BPIFA1: variants seen among roughly 807,000 people sequenced by gnomAD.
BPIFA1 encodes BPI fold-containing family A member 1.
BPIFA1 carries 24 observed loss-of-function variants against 25.1 expected under a neutral mutation model. That is an observed-to-expected ratio of 0.96 (90% CI 0.69 to 1.35). BPIFA1 has a LOEUF of 1.35. Ranked by LOEUF, BPIFA1 falls within the 40% of genes most tolerant of loss-of-function variation. The pLI, the probability that BPIFA1 is intolerant of heterozygous loss-of-function variation, is 0.00. For synonymous variants in BPIFA1, 139 were observed against 131.8 expected, an observed-to-expected ratio of 1.05 and a Z score of -0.37; for missense variants, 344 against 303.7, an observed-to-expected ratio of 1.13 and a Z score of -0.99.
At chr20:33,242,356 C>T (rs1979021183) in intron 7 of BPIFA1, 131 bp from the exon 8 acceptor site, 1 of 1,210,590 alleles carries the variant, frequency 8.3e-7, no homozygotes, top group Non-Finnish European at 1.2e-6. Flanking sequence ...CTGGCTTCCT[C>T]CAAGCATGCT....
chr20:33,236,659 C>A (rs1419885721), intron 1 of BPIFA1, among the ~76,000 whole-genome samples: 1 of 152,178 alleles, frequency 6.6e-6, no homozygotes, highest in Admixed American at 6.5e-5. Context: ...GAGAGGTCTG[C>A]AAGCCAAACC....
chr20:33,241,990 C>A (rs1024144497), intron 6 of BPIFA1, 66 bp from the exon 7 acceptor site: 8 of 1,426,318 alleles, frequency 5.6e-6, no homozygotes, highest in Middle Eastern at 1.7e-4. Context: ...CCCAGAGAAC[C>A]CCCACTAGGG....
Position 33,237,800 on chromosome 20 carries a change from AGACCC to A in BPIFA1, c.90_94del (p.Gln30HisfsTer76). The A allele has an allele frequency of 6.2e-7, 1 of 1,603,440 alleles. No homozygotes were observed. The highest frequency in any genetic ancestry group is 8.5e-7 in the Non-Finnish European group (1 of 1,174,592). On this transcript the variant is annotated frameshift_variant, in exon 2 of 9. Coordinates refer to ENST00000354297, the MANE Select transcript of BPIFA1 (RefSeq NM_130852.3). LOFTEE classifies it high-confidence loss of function. ...GGAGGCCTGCCCGTGCCCCTGGACC[AGACCC>A]TGCCCTTGAATGTGAATCCAGCCCT...
chr20:33,241,926 G>T, intron 6 of BPIFA1, 130 bp from the exon 7 acceptor site: 1 of 803,490 alleles, frequency 1.2e-6, no homozygotes, highest in South Asian at 1.5e-5. Context: ...TGTGACCATT[G>T]ATCTGTGGGA....
At chr20:33,241,240 C>T (rs1364235164) in intron 5 of BPIFA1, 145 bp from the exon 6 acceptor site, 3 of 732,238 alleles carry the variant, frequency 4.1e-6, no homozygotes, top group South Asian at 3.2e-5. Context: ...AAGACCCTTG[C>T]TGTTGGCCTG....
At position 33,243,088 on chromosome 20, in the gene BPIFA1, G is replaced by A. The variant is rs1212452125; in HGVS notation, c.*35-19G>A. 1 of 155,102 alleles carries A rather than the reference G, an allele frequency of 6.4e-6. No homozygotes were observed. Among genetic ancestry groups the A allele is most frequent in the East Asian group, 1.9e-4 (1 of 5,262 alleles). 9.6% of individuals were successfully genotyped at this position (155,102 alleles called of 1,614,324 possible). A position where few individuals can be genotyped will look rare whatever the true frequency, so the allele number is the denominator to read the frequency against. ...AATATCAGTAACGCTCACTGACCTT[G>A]AGTCTCCATCCTGATTAGGGTCTTC... On this transcript the variant is annotated intron_variant, in intron 8 of 8. Transcript: ENST00000354297.
chr20:33,243,109 T>A lies in BPIFA1; in HGVS notation c.*37T>A, dbSNP rs1271163979. Reference sequence around the variant, plus strand: ...CCTTGAGTCTCCATCCTGATTAGGGTCTTCCCCCAACAGAACTATTTCTTG... The same window carrying A: ...CCTTGAGTCTCCATCCTGATTAGGGACTTCCCCCAACAGAACTATTTCTTG... On this transcript the variant is annotated splice_region_variant and 3_prime_UTR_variant, in exon 9 of 9. Coordinates refer to ENST00000354297, the MANE Select transcript of BPIFA1 (RefSeq NM_130852.3). 1 of 153,446 alleles carries A rather than the reference T, an allele frequency of 6.5e-6. No individual in the cohort carries two copies. Among genetic ancestry groups the A allele is most frequent in the East Asian group, 1.9e-4 (1 of 5,204 alleles). 9.5% of individuals were successfully genotyped at this position (153,446 alleles called of 1,614,324 possible). A position where few individuals can be genotyped will look rare whatever the true frequency, so the allele number is the denominator to read the frequency against.
At position 33,241,379 on chromosome 20, in the gene BPIFA1, T is replaced by C. The variant is rs1294437274; in HGVS notation, c.582-6T>C. The C allele has an allele frequency of 1.9e-6, 3 of 1,611,948 alleles. No individual in the cohort carries two copies. The highest frequency in any genetic ancestry group is 2.5e-6 in the Non-Finnish European group (3 of 1,177,950). On this transcript the variant is annotated splice_region_variant and splice_polypyrimidine_tract_variant and intron_variant, in intron 5 of 8. Transcript: ENST00000354297. ...CCCTGCATCACCCATGACTTTTCTC[T>C]TTCAGACTTGGCCCCCTCCCCATTC...
chr20:33,242,398 C>T, intron 7 of BPIFA1, 89 bp from the exon 8 acceptor site: 1 of 1,496,184 alleles, frequency 6.7e-7, no homozygotes, highest in Non-Finnish European at 9.2e-7. Flanking sequence ...GGCCTCCATT[C>T]CCTGGCCCCC....
intron 7 of BPIFA1, 116 bp downstream of exon 7, chr20:33,242,235 A>G (rs2146503173): frequency 3.5e-6 from 4 of 1,148,852 alleles, no homozygotes; most frequent in Middle Eastern, 3.9e-4. Flanking sequence ...AACTCTCTCT[A>G]TTTTGGGCTT....
At chr20:33,237,620 C>T (rs921922897) in intron 1 of BPIFA1, 77 bp from the exon 2 acceptor site, 21 of 1,241,998 alleles carry the variant, frequency 1.7e-5, no homozygotes, top group Non-Finnish European at 2.1e-5. Context: ...AACCCCACCC[C>T]CCAGGTGTCA....
chr20:33,237,748 C>A lies in BPIFA1; in HGVS notation c.37C>A (p.Leu13Met). The A allele has an allele frequency of 3.3e-6, 5 of 1,531,898 alleles. No individual in the cohort carries two copies. The highest frequency in any genetic ancestry group is 4.4e-6 in the Non-Finnish European group (5 of 1,140,668). 94.9% of individuals were successfully genotyped at this position (1,531,898 alleles called of 1,614,324 possible). Residue 13 changes from leucine (L) to methionine (M), a missense_variant, in exon 2 of 9, where the codon CTG becomes ATG. Transcript: ENST00000354297. Reference sequence around the variant, plus strand: ...TGGGGGCCTCATTGTCTTCTACGGGCTGTTAGCCCAGACCATGGCCCAGTT... The same window carrying A: ...TGGGGGCCTCATTGTCTTCTACGGGATGTTAGCCCAGACCATGGCCCAGTT... ...QTGGLIVFYG[L>M]LAQTMAQFGG...
At chr20:33,240,054 G>A (rs543740138) in intron 4 of BPIFA1, 144 bp downstream of exon 4, 1 of 1,348,046 alleles carries the variant, frequency 7.4e-7, no homozygotes, top group East Asian at 2.3e-5. Flanking sequence ...AGTGGCCTTG[G>A]GTCACTTGGG....
At chr20:33,236,674 G>A (rs903786898) in intron 1 of BPIFA1, among the ~76,000 whole-genome samples, 1 of 152,142 alleles carries the variant, frequency 6.6e-6, no homozygotes, top group African/African-American at 2.4e-5. Context: ...CAAACCTCAG[G>A]GGTTGACCGG....
In BPIFA1 at chr20:33,242,536, G is replaced by A; in HGVS notation, c.*9G>A. Reference sequence around the variant, plus strand: ...TTGTCATCAAGGTCTAAGCCTTCCAGGAAGGGGCTGGCCTCTGCTGAGCTG... The same window carrying A: ...TTGTCATCAAGGTCTAAGCCTTCCAAGAAGGGGCTGGCCTCTGCTGAGCTG... On this transcript the variant is annotated 3_prime_UTR_variant, in exon 8 of 9. Coordinates refer to ENST00000354297, the MANE Select transcript of BPIFA1 (RefSeq NM_130852.3). 2 of 1,613,980 alleles carry A rather than the reference G, an allele frequency of 1.2e-6. No individual in the cohort carries two copies. Among genetic ancestry groups the A allele is most frequent in the Non-Finnish European group, 1.7e-6 (2 of 1,179,826 alleles).
At position 33,238,046 on chromosome 20, in the gene BPIFA1, C is replaced by T. The variant is rs745797507; in HGVS notation, c.161-9C>T. 6 of 1,611,394 alleles carry T rather than the reference C, an allele frequency of 3.7e-6. No individual in the cohort carries two copies. Among genetic ancestry groups the T allele is most frequent in the South Asian group, 1.1e-5 (1 of 90,594 alleles). ...TCTGACCCCCAGAGACCCTTACACC[C>T]ATTTCCAGCCCTCAGCAATGGCCTG... On this transcript the variant is annotated splice_polypyrimidine_tract_variant and intron_variant, in intron 2 of 8. Transcript: ENST00000354297.
chr20:33,242,650 C>A, intron 8 of BPIFA1, 89 bp downstream of exon 8: 2 of 954,188 alleles, frequency 2.1e-6, no homozygotes, highest in Admixed American at 2.1e-5. Context: ...ACAATGACAT[C>A]CAAAGAAAGA....
In BPIFA1 at chr20:33,237,668, C is replaced by G. The variant is rs778556002; in HGVS notation, c.-15-29C>G. ...GATAAATTCCTCTCTGATACCCATG[C>G]CATGTTGGACTTGTCATTCTGGCCA... On this transcript the variant is annotated intron_variant, in intron 1 of 8. Coordinates refer to ENST00000354297, the MANE Select transcript of BPIFA1 (RefSeq NM_130852.3). 1.2e-5 allele frequency: 17 copies of G among 1,392,258 alleles called. No homozygotes were observed. In the African/African-American group the frequency reaches 2.2e-4, roughly 18 times the overall value. The allele number at this position is 1,392,258 out of a possible 1,614,324, so 86.2% of individuals were successfully genotyped here. A position where few individuals can be genotyped will look rare whatever the true frequency, so the allele number is the denominator to read the frequency against.
In BPIFA1 at chr20:33,239,899, C is replaced by T. The variant is rs777531573; in HGVS notation, c.417C>T (p.Leu139=). The T allele has an allele frequency of 2.5e-6, 4 of 1,613,856 alleles. No homozygotes were observed. Among genetic ancestry groups the T allele is most frequent in the South Asian group, 1.1e-5 (1 of 91,056 alleles). Residue 139 remains leucine (L), a synonymous_variant, in exon 4 of 9, where the codon CTC becomes CTT. Coordinates refer to ENST00000354297, the MANE Select transcript of BPIFA1 (RefSeq NM_130852.3). ...LYVTIPLGIK[L]QVNTPLVGAS... ...TCACCATCCCTCTCGGCATAAAGCTCCAAGTGAATACGTGAGTGGGTCCCA... is the reference window on the plus strand; with the variant it reads ...TCACCATCCCTCTCGGCATAAAGCTTCAAGTGAATACGTGAGTGGGTCCCA...
Sources: gnomAD v4.1 joint callset for allele counts (sites outside exome capture counted in the v4.1 genomes callset) on GRCh38, gnomAD v4.1.1 for gene constraint, MANE v1.5 for transcripts, NCBI Gene and HGNC (gene_info 2026-07-23, HGNC 2026-07-21) for gene names.